PCSK5: variants seen among roughly 807,000 people sequenced by gnomAD.
PCSK5 encodes prohormone convertase 5.
A neutral mutation model predicts 233.2 loss-of-function variants in PCSK5; 129 were observed. That is an observed-to-expected ratio of 0.55 (90% CI 0.48 to 0.64). PCSK5 has a LOEUF of 0.64. Ranked by LOEUF, PCSK5 falls within the 30% of genes least tolerant of loss-of-function variation. The probability of loss-of-function intolerance (pLI) is 0.00; values close to 1 mark genes in which losing one functional copy is unlikely to be tolerated. For synonymous variants in PCSK5, 825 were observed against 879.2 expected (o/e 0.94, Z 1.09); for missense variants, 2,076 against 2,430.1 (o/e 0.85, Z 3.06).
intron 12 of PCSK5, among the ~76,000 whole-genome samples, chr9:76,168,172 G>A (rs1379601977): frequency 6.6e-6 from 1 of 152,098 alleles, no homozygotes. Flanking sequence ...ATTTATTTGA[G>A]ACAGAGTCTC....
chr9:76,001,098 C>G (rs1278015959), intron 3 of PCSK5, among the ~76,000 whole-genome samples: 1 of 151,988 alleles, frequency 6.6e-6, no homozygotes, highest in Non-Finnish European at 1.5e-5. Flanking sequence ...TTACTCTCAC[C>G]AATTTTACAT....
At chr9:75,977,411 G>C (rs1052219444) in intron 2 of PCSK5, among the ~76,000 whole-genome samples, 2 of 130,832 alleles carry the variant, frequency 1.5e-5, no homozygotes, top group Non-Finnish European at 3.1e-5. Context: ...CCAGGTTCTT[G>C]ACCTGTGTTA....
intron 9 of PCSK5, among the ~76,000 whole-genome samples, chr9:76,108,127 T>C (rs1426147914): frequency 1.3e-5 from 2 of 152,206 alleles, no homozygotes; most frequent in East Asian, 3.8e-4. Context: ...GAAATATTCA[T>C]GTATTTGATT....
intron 24 of PCSK5, among the ~76,000 whole-genome samples, chr9:76,291,395 G>A (rs1239747580): frequency 6.6e-6 from 1 of 152,200 alleles, no homozygotes; most frequent in Non-Finnish European, 1.5e-5. Context: ...GTTTTAAGGA[G>A]GAACAGTTGT....
intron 1 of PCSK5, among the ~76,000 whole-genome samples, chr9:75,906,194 A>G (rs1826256500): frequency 1.3e-5 from 2 of 152,188 alleles, no homozygotes; most frequent in Non-Finnish European, 2.9e-5. Context: ...TTAGTTGGTC[A>G]GGGAGACTCA....
At chr9:76,159,325 G>A (rs1822745007) in intron 12 of PCSK5, among the ~76,000 whole-genome samples, 154 bp downstream of exon 12, 1 of 152,228 alleles carries the variant, frequency 6.6e-6, no homozygotes, top group South Asian at 2.1e-4. Flanking sequence ...AGTAGAGAGT[G>A]TGAAGCTGCC....
chr9:76,019,650 G>T (rs1828096993), intron 3 of PCSK5, among the ~76,000 whole-genome samples: 1 of 152,084 alleles, frequency 6.6e-6, no homozygotes, highest in African/African-American at 2.4e-5. Context: ...ATTTATTTGG[G>T]GTATAAACTG....
intron 3 of PCSK5, among the ~76,000 whole-genome samples, chr9:75,992,336 A>T (rs1055629886): frequency 6.6e-6 from 1 of 152,226 alleles, no homozygotes; most frequent in African/African-American, 2.4e-5. Context: ...TTTGAAGTCA[A>T]CATAAAACAC....
intron 24 of PCSK5, among the ~76,000 whole-genome samples, chr9:76,262,679 A>G (rs1276706070): frequency 6.6e-6 from 1 of 151,608 alleles, no homozygotes; most frequent in African/African-American, 2.4e-5. Flanking sequence ...AAACCCTAGA[A>G]GAAAACCTAG....
intron 1 of PCSK5, among the ~76,000 whole-genome samples, chr9:75,928,615 A>G (rs1383397583): frequency 9.2e-6 from 1 of 108,936 alleles, no homozygotes; most frequent in Non-Finnish European, 1.8e-5. Context: ...ATATATATAT[A>G]TATATATATA....
At chr9:76,288,931 C>G (rs558628570) in intron 24 of PCSK5, among the ~76,000 whole-genome samples, 2 of 152,126 alleles carry the variant, frequency 1.3e-5, no homozygotes, top group African/African-American at 4.8e-5. Flanking sequence ...TGAAGGTGAT[C>G]GTTATTACTG....
intron 21 of PCSK5, among the ~76,000 whole-genome samples, chr9:76,228,900 G>A (rs578184645): frequency 6.6e-6 from 1 of 152,248 alleles, no homozygotes; most frequent in Admixed American, 6.5e-5. Context: ...ATTCCCCACA[G>A]TGATCAACAC....
intron 24 of PCSK5, among the ~76,000 whole-genome samples, chr9:76,259,039 C>T (rs1027527406): frequency 7.2e-5 from 11 of 152,188 alleles, no homozygotes; most frequent in Non-Finnish European, 1.5e-4. Context: ...TAACAAACAC[C>T]TCATATGATG....
In PCSK5 at chr9:76,189,186, G is replaced by C. The variant is rs1824246585; in HGVS notation, c.2473G>C (p.Asp825His). ...GAGCTGTAGTATCAGCTATTACTTT[G>C]ACCACTCTTCAGAGAATGGATACAA... ...VQSCSISYYF[D>H]HSSENGYKSC... The change falls in exon 19 of 38, where the codon GAC becomes CAC. Residue 825 changes from aspartate (D) to histidine (H), a missense_variant. Around this residue, in one of 6 missense-constraint regions of PCSK5, gnomAD observed 1,510 missense variants for 1,538.1 expected, o/e 0.98. Coordinates refer to ENST00000674117, the MANE Select transcript of PCSK5 (RefSeq NM_001372043.1). The C allele has an allele frequency of 1.2e-6, 2 of 1,613,116 alleles. No homozygotes were observed. The highest frequency in any genetic ancestry group is 1.7e-5 in the Admixed American group (1 of 60,016).
At chr9:75,969,480 C>G (rs966358612) in intron 2 of PCSK5, among the ~76,000 whole-genome samples, 5 of 152,084 alleles carry the variant, frequency 3.3e-5, no homozygotes, top group Non-Finnish European at 5.9e-5. Context: ...TTACTCAACC[C>G]CTTAAGCTTA....
chr9:76,330,636 A>G (rs1420083674), intron 33 of PCSK5, among the ~76,000 whole-genome samples: 2 of 152,150 alleles, frequency 1.3e-5, no homozygotes, highest in Non-Finnish European at 2.9e-5. Context: ...TAAACATTAA[A>G]AAAAAATGTT....
chr9:75,924,058 C>T (rs1408329651), intron 1 of PCSK5, among the ~76,000 whole-genome samples: 1 of 152,160 alleles, frequency 6.6e-6, no homozygotes, highest in Non-Finnish European at 1.5e-5. Flanking sequence ...TGCAAAGTCT[C>T]TTTTGCCATA....
At chr9:76,074,572 A>T (rs1157646896) in intron 7 of PCSK5, among the ~76,000 whole-genome samples, 1 of 152,178 alleles carries the variant, frequency 6.6e-6, no homozygotes, top group Non-Finnish European at 1.5e-5. Flanking sequence ...CATGTGTTTA[A>T]TACAAATAGG....
At position 75,907,602 on chromosome 9, in the gene PCSK5, G is replaced by A. The variant is rs188616364; in HGVS notation, c.192+16229G>A. The stretch of plus-strand genomic sequence containing the variant: ...GTATGAAAGTCAGAGTACACAGTGT[G>A]ACAGCACGCACTCCGAGAGGCAAGT... On this transcript the variant is annotated intron_variant, in intron 1 of 37. Transcript: ENST00000674117. Among the ~76,000 whole-genome samples the A allele has an allele frequency of 3.3e-5, 5 of 152,224 alleles. No homozygotes were observed. The East Asian group carries it at 7.7e-4, about 24-fold the overall frequency.
Sources: gnomAD v4.1 joint callset for allele counts (sites outside exome capture counted in the v4.1 genomes callset) on GRCh38, gnomAD v4.1.1 for gene constraint, gnomAD v4.1.1 regional missense constraint, MANE v1.5 for transcripts, NCBI Gene and HGNC (gene_info 2026-07-23, HGNC 2026-07-21) for gene names.